Variants in ACOXL observed in about 807,000 individuals in gnomAD.
The protein encoded by ACOXL is acyl-CoA oxidase like.
A neutral mutation model predicts 71.9 loss-of-function variants in ACOXL; 70 were observed. The observed-to-expected ratio is 0.97, with a 90% CI of 0.80 to 1.19. The LOEUF (loss-of-function observed/expected upper bound fraction) is 1.19, where lower values mean the gene tolerates loss of function less well. Among genes scored for constraint, ACOXL ranks in the 50% most tolerant of loss-of-function variants. The pLI is 0.00. For missense variants in ACOXL, 703 were observed against 736.3 expected (o/e 0.95, Z 0.52); for synonymous variants, 253 against 281.6 (o/e 0.90, Z 1.02).
chr2:110,857,622 A>G (rs570897628), intron 10 of ACOXL, among the ~76,000 whole-genome samples: 5 of 152,206 alleles, frequency 3.3e-5, no homozygotes, highest in South Asian at 2.1e-4. Context: ...AGTTTCTACA[A>G]TTATCAACAT....
intron 16 of ACOXL, among the ~76,000 whole-genome samples, chr2:111,051,331 G>T (rs2066279569): frequency 6.6e-6 from 1 of 152,178 alleles, no homozygotes; most frequent in Non-Finnish European, 1.5e-5. Context: ...AGATTATTTT[G>T]ACTACAGTCA....
intron 1 of ACOXL, among the ~76,000 whole-genome samples, chr2:110,755,541 G>A (rs1679558475): frequency 6.6e-6 from 1 of 152,134 alleles, no homozygotes; most frequent in South Asian, 2.1e-4. Flanking sequence ...TGATTTTTCC[G>A]CGGCAGATTG....
chr2:110,772,092 A>G (rs1682019913), intron 2 of ACOXL, among the ~76,000 whole-genome samples: 2 of 152,228 alleles, frequency 1.3e-5, no homozygotes, highest in Non-Finnish European at 2.9e-5. Context: ...AGTATTCACA[A>G]CATCCCTCAT....
intron 9 of ACOXL, among the ~76,000 whole-genome samples, chr2:110,810,844 A>C (rs1687234365): frequency 6.6e-6 from 1 of 152,352 alleles, no homozygotes; most frequent in South Asian, 2.1e-4. Context: ...TAATTGACTC[A>C]AACTTCAGCA....
chr2:110,923,115 G>A (rs1429840147), intron 11 of ACOXL, among the ~76,000 whole-genome samples: 3 of 152,108 alleles, frequency 2.0e-5, no homozygotes, highest in Non-Finnish European at 2.9e-5. Flanking sequence ...CCCAATTAGG[G>A]GAAAGAGACT....
intron 17 of ACOXL, chr2:111,100,071 GC>G (rs927256760): frequency 1.3e-5 from 2 of 152,178 alleles, no homozygotes; most frequent in African/African-American, 4.8e-5. Context: ...GCCAGTGCCT[GC>G]CTGCATTGGG....
At chr2:110,756,758 A>G (rs563699026) in intron 1 of ACOXL, among the ~76,000 whole-genome samples, 1 of 152,266 alleles carries the variant, frequency 6.6e-6, no homozygotes, top group Non-Finnish European at 1.5e-5. Flanking sequence ...ATTTCCATAT[A>G]TACTTACTTC....
chr2:110,791,808 T>C (rs905854467), intron 3 of ACOXL, among the ~76,000 whole-genome samples: 1 of 152,136 alleles, frequency 6.6e-6, no homozygotes, highest in Non-Finnish European at 1.5e-5. Context: ...AGAGAGCTCA[T>C]CCAGATGCAG....
intron 3 of ACOXL, among the ~76,000 whole-genome samples, chr2:110,792,549 G>C (rs1385636390): frequency 1.3e-5 from 2 of 152,202 alleles, no homozygotes; most frequent in Non-Finnish European, 2.9e-5. Context: ...CAGCACTTCA[G>C]GAGGCCAAGG....
chr2:110,875,422 C>T (rs778577572), intron 10 of ACOXL, among the ~76,000 whole-genome samples: 6 of 152,190 alleles, frequency 3.9e-5, no homozygotes, highest in Admixed American at 6.5e-5. Context: ...CTCCTCTTTA[C>T]GCCTTTGACA....
chr2:110,865,956 C>T (rs902976658), intron 10 of ACOXL, among the ~76,000 whole-genome samples: 8 of 151,800 alleles, frequency 5.3e-5, no homozygotes, highest in African/African-American at 9.7e-5. Flanking sequence ...TTGCATTTCT[C>T]GGTGTATCTC....
chr2:110,781,426 G>C (rs1482802842), intron 2 of ACOXL, among the ~76,000 whole-genome samples: 6 of 151,900 alleles, frequency 3.9e-5, no homozygotes, highest in Non-Finnish European at 2.9e-5. Flanking sequence ...CGGATCATGA[G>C]GTCAGGAGTT....
chr2:110,999,125 T>C (rs2063513880), intron 14 of ACOXL, among the ~76,000 whole-genome samples: 1 of 152,202 alleles, frequency 6.6e-6, no homozygotes, highest in Non-Finnish European at 1.5e-5. Flanking sequence ...TTCTGGGGGC[T>C]GGAAGTTCAA....
chr2:110,942,926 AAAGAAAGAAAG>A (rs1463723644), intron 12 of ACOXL, among the ~76,000 whole-genome samples: 11 of 144,370 alleles, frequency 7.6e-5, no homozygotes, highest in African/African-American at 2.0e-4. Context: ...AAAGAAAGAG[AAAGAAAGAAAG>A]AAGAAAGAAA....
At chr2:111,029,711 G>A (rs1020050001) in intron 14 of ACOXL, among the ~76,000 whole-genome samples, 1 of 152,172 alleles carries the variant, frequency 6.6e-6, no homozygotes, top group Non-Finnish European at 1.5e-5. Context: ...TGGGGCCAGG[G>A]AGCCTCTTGC....
At chr2:111,017,044 A>G (rs927414533) in intron 14 of ACOXL, among the ~76,000 whole-genome samples, 2 of 152,160 alleles carry the variant, frequency 1.3e-5, no homozygotes, top group African/African-American at 4.8e-5. Context: ...AGAGCATACA[A>G]TTGAAGTGAC....
In ACOXL at chr2:110,837,312, T is replaced by C. The variant is rs150501068; in HGVS notation, c.754-4059T>C. 1.3e-3 allele frequency among the ~76,000 whole-genome samples: 205 copies of C among 152,262 alleles called. 1 individual carries two copies. Among genetic ancestry groups the C allele is most frequent in the African/African-American group, 4.6e-3 (193 of 41,556 alleles). ...TCAAAAGATCGGATTCCCAGTGACA[T>C]AGGGACACAGGGACCCTTGGTCAAG... On this transcript the variant is annotated intron_variant, in intron 9 of 17. Coordinates refer to ENST00000439055, the MANE Select transcript of ACOXL (RefSeq NM_001142807.4).
intron 1 of ACOXL, 150 bp from the exon 2 acceptor site, chr2:110,768,218 C>T (rs954142295): frequency 1.0e-5 from 6 of 587,436 alleles, no homozygotes; most frequent in Non-Finnish European, 1.8e-5. Context: ...GTATTGAACA[C>T]CCAGTCTGTG....
At chr2:111,027,480 C>T (rs4849346) in intron 14 of ACOXL, among the ~76,000 whole-genome samples, 58,379 of 151,550 alleles carry the variant, frequency 0.39, 11,470 homozygotes, top group South Asian at 0.46. Flanking sequence ...TGCCACCACA[C>T]CCAGCTAATT....
Sources: allele counts gnomAD v4.1 joint callset (sites outside exome capture counted in the v4.1 genomes callset), GRCh38; gene constraint gnomAD v4.1.1; transcripts MANE v1.5; gene names NCBI Gene and HGNC (gene_info 2026-07-23, HGNC 2026-07-21).